Variants in KANTR observed in about 807,000 individuals in gnomAD.
KANTR encodes the protein KDM5C adjacent transcript.
chrX:53,146,021 A>G (rs2090416579), downstream of KANTR, among the ~76,000 whole-genome samples: 1 of 111,555 alleles, frequency 9.0e-6, no homozygotes, highest in Non-Finnish European at 1.9e-5. Context: ...TCAAAGACCA[A>G]AGGTAGATAA....
intron 2 of KANTR, among the ~76,000 whole-genome samples, chrX:53,111,355 T>C (rs782320147): frequency 9.0e-6 from 1 of 111,019 alleles, no homozygotes; most frequent in African/African-American, 3.3e-5. Context: ...TTTAAGCTGG[T>C]AACAACTTAA....
At chrX:53,110,795 C>T (rs1340167661) in intron 2 of KANTR, among the ~76,000 whole-genome samples, 1 of 108,972 alleles carries the variant, frequency 9.2e-6, no homozygotes, top group Non-Finnish European at 1.9e-5. Flanking sequence ...TGGTGGCATG[C>T]ACCTGTAATC....
chrX:53,141,863 G>T, exon 3 of KANTR: 1 of 401,560 alleles, frequency 2.5e-6, no homozygotes, highest in Non-Finnish European at 3.5e-6. Flanking sequence ...AATCCAAACC[G>T]CTTCCAACTC....
exon 3 of KANTR, chrX:53,126,234 C>T (rs1933291203): frequency 1.8e-5 from 2 of 110,813 alleles, no homozygotes; most frequent in African/African-American, 6.6e-5. Flanking sequence ...TCAGTGAATT[C>T]ATGCTTTTCA....
At chrX:53,143,496 A>G, downstream of KANTR, 1 of 599,649 alleles carries the variant, frequency 1.7e-6, no homozygotes, top group Non-Finnish European at 2.9e-6. Flanking sequence ...TAGAGGGACA[A>G]CACGGCCTGG....
At chrX:53,146,906 C>G (rs1933584468), downstream of KANTR, among the ~76,000 whole-genome samples, 2 of 111,598 alleles carry the variant, frequency 1.8e-5, no homozygotes, top group African/African-American at 6.5e-5. Flanking sequence ...CCTTTACAGA[C>G]AAGCAAATGC....
At position 53,119,979 on chromosome X, in the gene KANTR, A is replaced by G. The variant is rs200375778; in HGVS notation, c.-804-3490A>G. On this transcript the variant is annotated intron_variant, in intron 2 of 2. Transcript: ENST00000604062. ...AGCAATCCACCCACCTTGGCCTCCC[A>G]AAGTGCTGAGATGACAGGCATGAGC... is the stretch of plus-strand genomic sequence containing the variant. Among the ~76,000 whole-genome samples the G allele has an allele frequency of 2.4e-4, 27 of 111,258 alleles. No individual in the cohort carries two copies. The East Asian group carries it at 7.3e-3, about 30-fold the overall frequency.
At chrX:53,114,383 G>A (rs150906783) in intron 2 of KANTR, among the ~76,000 whole-genome samples, 1,135 of 112,406 alleles carry the variant, frequency 0.01, 13 homozygotes, top group African/African-American at 0.035. Flanking sequence ...CTGTGCATTG[G>A]TGTCTGCACA....
chrX:53,102,090 CAG>C (rs1378938146), intron 2 of KANTR, among the ~76,000 whole-genome samples: 3 of 110,378 alleles, frequency 2.7e-5, no homozygotes, highest in Admixed American at 9.6e-5. Context: ...AAATGTAAGA[CAG>C]AGACACTAAG....
intron 2 of KANTR, among the ~76,000 whole-genome samples, chrX:53,100,083 A>G (rs781931470): frequency 8.9e-6 from 1 of 112,362 alleles, no homozygotes; most frequent in Non-Finnish European, 1.9e-5. Flanking sequence ...CTAACAAGAG[A>G]GTCATCCTGT....
intron 2 of KANTR, among the ~76,000 whole-genome samples, chrX:53,136,696 A>G (rs1340923821): frequency 7.5e-5 from 1 of 13,395 alleles, no homozygotes; most frequent in Non-Finnish European, 1.4e-4. Flanking sequence ...CGCCCGGCAT[A>G]TATATATATA....
At chrX:53,104,972 C>T (rs1452632293) in intron 2 of KANTR, among the ~76,000 whole-genome samples, 1 of 110,777 alleles carries the variant, frequency 9.0e-6, no homozygotes, top group Non-Finnish European at 1.9e-5. Context: ...GCAACCTCCA[C>T]CTCCTGGGCT....
chrX:53,134,262 T>C (rs1933393916), intron 2 of KANTR, among the ~76,000 whole-genome samples: 2 of 110,137 alleles, frequency 1.8e-5, no homozygotes, highest in Admixed American at 9.8e-5. Flanking sequence ...CTCGGGAGAC[T>C]GAGGCAGGAG....
rs782532160 is a variant in KANTR at position 53,134,099 on chromosome X, C to A, written n.204-7749C>A. 7.6e-4 allele frequency among the ~76,000 whole-genome samples: 85 copies of A among 111,911 alleles called. 1 individual carries two copies. The highest frequency in any genetic ancestry group is 4.6e-3 in the Middle Eastern group (1 of 216). The stretch of plus-strand genomic sequence containing the variant: ...AAAGCAGGCCAGGCACAGTGACTCA[C>A]GCCTATAATCCCAGCACTTTGGGAG... On this transcript the variant is annotated intron_variant and non_coding_transcript_variant, in intron 2 of 2. Coordinates refer to the KANTR transcript ENST00000366185.
At chrX:53,145,372 G>C (rs1378425747), downstream of KANTR, among the ~76,000 whole-genome samples, 1 of 112,153 alleles carries the variant, frequency 8.9e-6, no homozygotes, top group African/African-American at 3.2e-5. Context: ...CCCCTGGCTC[G>C]GAGGGTCCTA....
At chrX:53,102,775 A>G (rs1340875119) in intron 2 of KANTR, among the ~76,000 whole-genome samples, 3 of 111,229 alleles carry the variant, frequency 2.7e-5, no homozygotes, top group East Asian at 2.8e-4. Context: ...TCTGCCCATC[A>G]TTACCATTTC....
intron 1 of KANTR, among the ~76,000 whole-genome samples, chrX:53,095,491 A>G (rs1164718844): frequency 9.0e-6 from 1 of 110,720 alleles, no homozygotes; most frequent in Non-Finnish European, 1.9e-5. Flanking sequence ...TCACTATTCT[A>G]AAATGAAATG....
intron 2 of KANTR, among the ~76,000 whole-genome samples, chrX:53,113,648 C>T (rs1556814135): frequency 1.0e-5 from 1 of 100,132 alleles, no homozygotes; most frequent in South Asian, 4.9e-4. Flanking sequence ...GGCGCGATCT[C>T]GGCTCACTGC....
chrX:53,140,396 G>T (rs1282730758), intron 2 of KANTR, among the ~76,000 whole-genome samples: 1 of 108,958 alleles, frequency 9.2e-6, no homozygotes, highest in Admixed American at 9.8e-5. Context: ...AGCTACTCAG[G>T]AGGCTGAGGC....
Sources: allele counts gnomAD v4.1 joint callset (sites outside exome capture counted in the v4.1 genomes callset), GRCh38; gene constraint gnomAD v4.1.1; transcripts MANE v1.5; gene names NCBI Gene and HGNC (gene_info 2026-07-23, HGNC 2026-07-21).